Variants in IFT52 observed in about 807,000 individuals in gnomAD.
The protein encoded by IFT52 is intraflagellar transport 52.
In IFT52, 44 loss-of-function variants were observed where a neutral mutation model predicts 54.4. That is an observed-to-expected ratio of 0.81 (90% confidence interval 0.63 to 1.04). IFT52 has a LOEUF of 1.04. Among genes scored for constraint, IFT52 ranks in the 50% least tolerant of loss-of-function variants. The pLI is 0.00. For missense variants in IFT52, 452 were observed against 523.6 expected (o/e 0.86, Z 1.33); for synonymous variants, 181 against 185.3 (o/e 0.98, Z 0.19).
rs1313147695 is a variant in IFT52 at position 43,604,995 on chromosome 20, CT to C, written c.414-5del. On this transcript the variant is annotated splice_polypyrimidine_tract_variant and splice_region_variant and intron_variant, in intron 5 of 13. Transcript: ENST00000373030. ...TGTTTACTAGATTTTAATTTTTCTT[CT>C]TCAAGGGAAATTAGCCGAGCTGCAG... The C allele has an allele frequency of 3.1e-6, 5 of 1,612,776 alleles. No individual in the cohort carries two copies. Among genetic ancestry groups the C allele is most frequent in the Non-Finnish European group, 4.2e-6 (5 of 1,179,302 alleles).
chr20:43,593,947 G>T (rs1049391958), intron 1 of IFT52, among the ~76,000 whole-genome samples: 2 of 152,122 alleles, frequency 1.3e-5, no homozygotes, highest in Non-Finnish European at 2.9e-5. Context: ...GGTGAAACAG[G>T]TGTTTCAGAA....
intron 3 of IFT52, among the ~76,000 whole-genome samples, chr20:43,602,025 A>G (rs935175077): frequency 6.6e-6 from 1 of 152,188 alleles, no homozygotes; most frequent in Non-Finnish European, 1.5e-5. Flanking sequence ...GGGAAATGAC[A>G]CAAATGGACC....
chr20:43,598,951 G>T (rs1982214612), intron 3 of IFT52, among the ~76,000 whole-genome samples: 2 of 152,162 alleles, frequency 1.3e-5, no homozygotes, highest in African/African-American at 4.8e-5. Context: ...ACTCTGGGTG[G>T]TGCCATGGGG....
At chr20:43,636,623 T>A (rs1327677337) in intron 11 of IFT52, among the ~76,000 whole-genome samples, 2 of 152,216 alleles carry the variant, frequency 1.3e-5, no homozygotes, top group African/African-American at 2.4e-5. Context: ...CCGCATACCA[T>A]TGGTTCATAC....
chr20:43,620,002 C>T (rs1057502514), intron 8 of IFT52, among the ~76,000 whole-genome samples: 5 of 137,112 alleles, frequency 3.6e-5, no homozygotes, highest in Admixed American at 1.7e-4. Flanking sequence ...CTGCAACCAT[C>T]GCCTCACGGG....
rs116103502 is a variant in IFT52, at chr20:43,594,347, G to A, written c.-6-346G>A. Among the ~76,000 whole-genome samples the A allele has an allele frequency of 8.8e-3, 1,336 of 152,136 alleles. 17 individuals are homozygous for A. Among genetic ancestry groups the A allele is most frequent in the African/African-American group, 0.03 (1,244 of 41,518 alleles). ...TAGAATCTAGAAGACTATACCCTGC[G>A]CTTAACAGTAGTTAGCAGTAATGAA... On this transcript the variant is annotated intron_variant, in intron 1 of 13. Transcript: ENST00000373030.
chr20:43,621,549 G>A (rs1486730248), intron 9 of IFT52, among the ~76,000 whole-genome samples: 1 of 152,188 alleles, frequency 6.6e-6, no homozygotes, highest in Admixed American at 6.6e-5. Context: ...TGCAACCTCT[G>A]TCTCCTGGGT....
At chr20:43,617,353 T>C (rs938002358) in intron 7 of IFT52, among the ~76,000 whole-genome samples, 1 of 152,172 alleles carries the variant, frequency 6.6e-6, no homozygotes, top group Non-Finnish European at 1.5e-5. Flanking sequence ...AAAAAGTACT[T>C]TGTTTTTATT....
In IFT52 at chr20:43,647,078, C is replaced by T. The variant is rs1986256633; in HGVS notation, c.*95C>T. The T allele has an allele frequency of 4.7e-6, 5 of 1,067,780 alleles. No homozygotes were observed. Among genetic ancestry groups the T allele is most frequent in the Non-Finnish European group, 5.8e-6 (4 of 686,690 alleles). 66.1% of individuals were successfully genotyped at this position (1,067,780 alleles called of 1,614,324 possible). On this transcript the variant is annotated 3_prime_UTR_variant, in exon 14 of 14. Transcript: ENST00000373030. ...CAACTCCTTATCAAAATTGTTTATA[C>T]ACTCTTTCCTCCATGAGCTCTGGAA...
At chr20:43,622,123 G>A (rs563255640) in intron 9 of IFT52, among the ~76,000 whole-genome samples, 85 of 152,268 alleles carry the variant, frequency 5.6e-4, no homozygotes, top group Admixed American at 1.1e-3. Context: ...TTGGTCATAG[G>A]AGGTAGGTGA....
At position 43,594,909 on chromosome 20, in the gene IFT52, G is replaced by A. The variant is rs538368678; in HGVS notation, c.119+92G>A. 33 of 759,518 alleles carry A rather than the reference G, an allele frequency of 4.3e-5. No homozygotes were observed. The African/African-American group carries it at 5.7e-4, about 13-fold the overall frequency. 47.0% of individuals were successfully genotyped at this position (759,518 alleles called of 1,614,324 possible). A position where few individuals can be genotyped will look rare whatever the true frequency, so the allele number is the denominator to read the frequency against. ...TTTATTTTCTTAGGTAACATAGATTGTTTAGGTGGGAGAAGCTCAATTTAA... is the reference window on the plus strand; with the variant it reads ...TTTATTTTCTTAGGTAACATAGATTATTTAGGTGGGAGAAGCTCAATTTAA... On this transcript the variant is annotated intron_variant, in intron 2 of 13. Transcript: ENST00000373030.
chr20:43,636,060 C>A, intron 11 of IFT52, 47 bp downstream of exon 11: 1 of 1,567,764 alleles, frequency 6.4e-7, no homozygotes, highest in Non-Finnish European at 8.8e-7. Flanking sequence ...CCCACTGTTG[C>A]CCTTATCTTG....
Position 43,607,982 on chromosome 20 carries a change from C to CA in IFT52, c.485+2917dup, listed in dbSNP as rs979252102. Among the ~76,000 whole-genome samples, 239 of 151,992 alleles carry CA rather than the reference C, an allele frequency of 1.6e-3. 1 individual carries two copies. Among genetic ancestry groups the CA allele is most frequent in the African/African-American group, 5.2e-3 (217 of 41,484 alleles). On this transcript the variant is annotated intron_variant, in intron 6 of 13. Transcript: ENST00000373030. Reference sequence around the variant, plus strand: ...CAACACAGCGAAACCCCGTCTCCACCAAAAAAAATACGAAAACCAGACAGG... The same window carrying CA: ...CAACACAGCGAAACCCCGTCTCCACCAAAAAAAAATACGAAAACCAGACAGG...
intron 8 of IFT52, among the ~76,000 whole-genome samples, chr20:43,620,287 T>C (rs992867843): frequency 2.6e-5 from 4 of 152,176 alleles, no homozygotes; most frequent in African/African-American, 9.6e-5. Context: ...TTCAGGATTG[T>C]GAACAAAGGT....
intron 9 of IFT52, among the ~76,000 whole-genome samples, chr20:43,622,868 T>C (rs923345965): frequency 6.6e-6 from 1 of 150,404 alleles, no homozygotes; most frequent in Non-Finnish European, 1.5e-5. Context: ...TTAACCACTC[T>C]CCTGTTGGCA....
chr20:43,645,561 A>C lies in IFT52; in HGVS notation c.1267-1375A>C, dbSNP rs1187445506. On this transcript the variant is annotated intron_variant, in intron 13 of 13. Transcript: ENST00000373030. ...GACAGAGTAAGACTCTGTCCCCCCCAAAAAAAGAAGATATTTATCCTTGGG... is the reference window on the plus strand; with the variant it reads ...GACAGAGTAAGACTCTGTCCCCCCCCAAAAAAGAAGATATTTATCCTTGGG... 1.5e-3 allele frequency among the ~76,000 whole-genome samples: 80 copies of C among 55,124 alleles called. 35 individuals carry two copies. The highest frequency in any genetic ancestry group is 2.0e-3 in the South Asian group (3 of 1,474). 36.2% of individuals were successfully genotyped at this position (55,124 alleles called of 152,430 possible). A position where few individuals can be genotyped will look rare whatever the true frequency, so the allele number is the denominator to read the frequency against.
At chr20:43,639,746 G>C (rs1050463656) in intron 12 of IFT52, among the ~76,000 whole-genome samples, 6 of 151,952 alleles carry the variant, frequency 3.9e-5, no homozygotes, top group African/African-American at 1.5e-4. Flanking sequence ...GGCTGAGGTG[G>C]GAGGATCACT....
chr20:43,627,523 G>A (rs1242732361), intron 10 of IFT52, among the ~76,000 whole-genome samples: 1 of 152,232 alleles, frequency 6.6e-6, no homozygotes, highest in Non-Finnish European at 1.5e-5. Context: ...GAACAGAGCA[G>A]GGGCAAGGGC....
intron 6 of IFT52, among the ~76,000 whole-genome samples, chr20:43,607,445 T>C (rs1983024956): frequency 6.9e-6 from 1 of 144,106 alleles, no homozygotes; most frequent in Non-Finnish European, 1.5e-5. Context: ...GGCTCCTCAC[T>C]TCTCAGACAG....
Sources: gnomAD v4.1 joint callset for allele counts (sites outside exome capture counted in the v4.1 genomes callset) on GRCh38, gnomAD v4.1.1 for gene constraint, MANE v1.5 for transcripts, NCBI Gene and HGNC (gene_info 2026-07-23, HGNC 2026-07-21) for gene names.